Variants in SNRNP200 observed in about 807,000 individuals in gnomAD.
SNRNP200 encodes small nuclear ribonucleoprotein U5 subunit 200, also known as U5 small nuclear ribonucleoprotein 200 kDa helicase.
A neutral mutation model predicts 255.2 loss-of-function variants in SNRNP200; 66 were observed. The observed-to-expected ratio is 0.26, with a 90% confidence interval of 0.21 to 0.32. The LOEUF (loss-of-function observed/expected upper bound fraction) is 0.32, where lower values mean the gene tolerates loss of function less well. Ranked by LOEUF, SNRNP200 falls within the 10% of genes least tolerant of loss-of-function variation. The pLI is 1.00. For synonymous variants in SNRNP200, 939 were observed against 1,027.8 expected (o/e 0.91, Z 1.65); for missense variants, 1,585 against 2,749.8 (o/e 0.58, Z 9.47).
chr2:96,279,787 GCCATGAA>G (rs1684728738), intron 35 of SNRNP200: 1 of 519,604 alleles, frequency 1.9e-6, no homozygotes, highest in African/African-American at 1.9e-5. Context: ...CTGCTCAAGT[GCCATGAA>G]CCAAGCTACA....
chr2:96,284,240 G>A (rs1325460398), intron 31 of SNRNP200, 118 bp downstream of exon 31: 3 of 949,842 alleles, frequency 3.2e-6, no homozygotes, highest in Non-Finnish European at 5.1e-6. Context: ...AGGGCAGCAG[G>A]TAGAATCCTC....
chr2:96,285,473 G>A, intron 29 of SNRNP200, 133 bp from the exon 30 acceptor site: 1 of 977,834 alleles, frequency 1.0e-6, no homozygotes, highest in Non-Finnish European at 1.6e-6. Flanking sequence ...AGACAGAGGA[G>A]CTAAGGCATC....
At chr2:96,281,360 G>A in intron 35 of SNRNP200, 1 of 189,516 alleles carries the variant, frequency 5.3e-6, no homozygotes, top group South Asian at 8.9e-5. Context: ...TAGAGACGGG[G>A]GTTTCACTAT....
intron 6 of SNRNP200, 66 bp downstream of exon 6, chr2:96,299,263 A>G: frequency 7.1e-7 from 1 of 1,409,218 alleles, no homozygotes; most frequent in Non-Finnish European, 1.0e-6. Flanking sequence ...GGACCTAGGC[A>G]TGGGGAAGAA....
rs2104359422 is a variant in SNRNP200, at chr2:96,298,720, C to T, written c.883-18G>A. ...CTGGCCGTCTGCAGAGAGCAGGTAACACCACCATTAAGGCCAAAGCCATCT... is the reference window on the plus strand; with the variant it reads ...CTGGCCGTCTGCAGAGAGCAGGTAATACCACCATTAAGGCCAAAGCCATCT... On this transcript the variant is annotated intron_variant, in intron 7 of 44. Coordinates refer to ENST00000323853, the MANE Select transcript of SNRNP200 (RefSeq NM_014014.5). 6.2e-7 allele frequency: 1 copy of T among 1,614,090 alleles called. No homozygotes were observed. Among genetic ancestry groups the T allele is most frequent in the Non-Finnish European group, 8.5e-7 (1 of 1,179,934 alleles).
chr2:96,297,186 A>C, intron 11 of SNRNP200, 116 bp from the exon 12 acceptor site: 1 of 1,534,726 alleles, frequency 6.5e-7, no homozygotes, highest in South Asian at 1.1e-5. Context: ...TTTCCATTAA[A>C]GGTCAGTCCA....
rs1558771554 is a variant in SNRNP200 at position 96,299,299 on chromosome 2, TAGCAATGAGGAAG to T, written c.729+17_729+29del. Reference sequence around the variant, plus strand: ...GCACTAACACCCAGAAGTAACCTTGTAGCAATGAGGAAGAGCAAACTGAACTTACATTAGCCGA... The same window carrying T: ...GCACTAACACCCAGAAGTAACCTTGTAGCAAACTGAACTTACATTAGCCGA... On this transcript the variant is annotated intron_variant, in intron 6 of 44. Coordinates refer to ENST00000323853, the MANE Select transcript of SNRNP200 (RefSeq NM_014014.5). The T allele has an allele frequency of 6.3e-7, 1 of 1,594,130 alleles. No individual in the cohort carries two copies. The highest frequency in any genetic ancestry group is 8.6e-7 in the Non-Finnish European group (1 of 1,162,222).
chr2:96,303,868 G>A (rs1209471175), intron 2 of SNRNP200, among the ~76,000 whole-genome samples: 5 of 144,418 alleles, frequency 3.5e-5, no homozygotes, highest in Non-Finnish European at 7.5e-5. Context: ...CAGCCTGGGT[G>A]ACAGAGTGAG....
chr2:96,281,739 T>C (rs761548391), intron 35 of SNRNP200, 75 bp downstream of exon 35: 6 of 1,180,726 alleles, frequency 5.1e-6, no homozygotes, highest in Non-Finnish European at 7.6e-6. Context: ...CCTAGCTTAC[T>C]TTCTGTGTAT....
Position 96,290,722 on chromosome 2 carries a change from C to T in SNRNP200, c.2515G>A (p.Gly839Arg). Residue 839 changes from glycine to arginine, a missense_variant, in exon 19 of 45, where the codon GGG (glycine) becomes AGG (arginine). Gly to Arg is a moderately radical substitution (Grantham distance 125, BLOSUM62 -2). This residue lies in a region of SNRNP200 where 140 missense variants were observed against 274.9 expected (regional missense o/e 0.51). Transcript: ENST00000323853. The surrounding 1 kb of genome is among the most constrained non-coding windows in gnomAD (Gnocchi z 4.5). ...AGTGCTCCCAGTTCTGTCCAACGCC[C>T]CTTCTCTGGACTGTACACCTGGGTG... is the stretch of plus-strand genomic sequence containing the variant. ...KGTQVYSPEK[G>R]RWTELGALDI... The T allele has an allele frequency of 6.2e-7, 1 of 1,614,196 alleles. No homozygotes were observed. The highest frequency in any genetic ancestry group is 8.5e-7 in the Non-Finnish European group (1 of 1,180,034).
At position 96,277,998 on chromosome 2, in the gene SNRNP200, T is replaced by G; in HGVS notation, c.5611-48A>C. 6.2e-7 allele frequency: 1 copy of G among 1,613,798 alleles called. No homozygotes were observed. Among genetic ancestry groups the G allele is most frequent in the East Asian group, 2.2e-5 (1 of 44,878 alleles). On this transcript the variant is annotated intron_variant, in intron 39 of 44. Transcript: ENST00000323853. The surrounding 1 kb of genome is among the most constrained non-coding windows in gnomAD (Gnocchi z 4.4). Reference sequence around the variant, plus strand: ...CTGGTGATGAACAGGTGACCCTGCCTGAGACCAGCTCAGGCCAAAGCACCA... The same window carrying G: ...CTGGTGATGAACAGGTGACCCTGCCGGAGACCAGCTCAGGCCAAAGCACCA...
At position 96,303,338 on chromosome 2, in the gene SNRNP200, A is replaced by C. The variant is rs950646900; in HGVS notation, c.210-8T>G. Reference sequence around the variant, plus strand: ...TCATCACGCTTTCTTCGCCTAATGGACATGCAATGTGATATTGAATGGCAG... The same window carrying C: ...TCATCACGCTTTCTTCGCCTAATGGCCATGCAATGTGATATTGAATGGCAG... On this transcript the variant is annotated splice_region_variant and splice_polypyrimidine_tract_variant and intron_variant, in intron 2 of 44. Coordinates refer to ENST00000323853, the MANE Select transcript of SNRNP200 (RefSeq NM_014014.5). 3.7e-6 allele frequency: 6 copies of C among 1,613,992 alleles called. No homozygotes were observed. In the African/African-American group the frequency reaches 8.0e-5, roughly 22 times the overall value.
intron 12 of SNRNP200, 80 bp downstream of exon 12, chr2:96,296,853 G>A: frequency 1.3e-6 from 2 of 1,584,570 alleles, no homozygotes; most frequent in Admixed American, 1.7e-5. Context: ...TAGGGGGTGG[G>A]GGTGGAAATA....
At chr2:96,296,810 A>C in intron 12 of SNRNP200, 119 bp from the exon 13 acceptor site, 1 of 1,533,584 alleles carries the variant, frequency 6.5e-7, no homozygotes, top group Non-Finnish European at 9.0e-7. Context: ...TTATCCTACT[A>C]TTTAACCTCT....
At chr2:96,284,843 G>A (rs1341546472) in intron 30 of SNRNP200, 12 of 533,576 alleles carry the variant, frequency 2.2e-5, no homozygotes, top group Admixed American at 1.9e-4. Flanking sequence ...TCCGCCTCCC[G>A]GGTTCAAGCG....
chr2:96,285,171 A>C lies in SNRNP200; in HGVS notation c.4164+9T>G. ...TGGGAAATTCACATGACACAGCGCC[A>C]CGTCATACCTGCTCTGCCAGGGCCT... is the stretch of plus-strand genomic sequence containing the variant. On this transcript the variant is annotated intron_variant, in intron 30 of 44. Transcript: ENST00000323853. The C allele has an allele frequency of 6.2e-7, 1 of 1,613,914 alleles. No homozygotes were observed.
chr2:96,288,654 C>T lies in SNRNP200; in HGVS notation c.3258+9G>A, dbSNP rs761162062. The T allele has an allele frequency of 1.3e-5, 21 of 1,612,424 alleles. No individual in the cohort carries two copies. The highest frequency in any genetic ancestry group is 1.7e-4 in the Middle Eastern group (1 of 6,050). On this transcript the variant is annotated intron_variant, in intron 24 of 44. Transcript: ENST00000323853. ...CCTTCTCACAGCTGCCATACAACTC[C>T]GCTCTCACCTGTGTGACATACACCA...
Position 96,277,499 on chromosome 2 carries a change from C to G in SNRNP200, c.5931+40G>C. ...CGCTCGGTCCACAACACTGGGCTCT[C>G]AGGCTCACCCACCTGACCCTCTAGG... On this transcript the variant is annotated intron_variant, in intron 41 of 44. Transcript: ENST00000323853. The surrounding 1 kb of genome is among the most constrained non-coding windows in gnomAD (Gnocchi z 4.4). The G allele has an allele frequency of 3.7e-6, 6 of 1,609,762 alleles. No individual in the cohort carries two copies. The highest frequency in any genetic ancestry group is 5.1e-6 in the Non-Finnish European group (6 of 1,177,894).
At position 96,286,994 on chromosome 2, in the gene SNRNP200, G is replaced by A; in HGVS notation, c.3639+12C>T. 2 of 1,614,164 alleles carry A rather than the reference G, an allele frequency of 1.2e-6. No homozygotes were observed. Among genetic ancestry groups the A allele is most frequent in the South Asian group, 2.2e-5 (2 of 91,080 alleles). ...ACCTCCAATCCAGCACCTCTGCCCAGCAAAGCCTCACCTTTTCATCCCACT... is the reference window on the plus strand; with the variant it reads ...ACCTCCAATCCAGCACCTCTGCCCAACAAAGCCTCACCTTTTCATCCCACT... On this transcript the variant is annotated intron_variant, in intron 27 of 44. Coordinates refer to ENST00000323853, the MANE Select transcript of SNRNP200 (RefSeq NM_014014.5). The surrounding 1 kb of genome is among the most constrained non-coding windows in gnomAD (Gnocchi z 4.8).
Sources: allele counts gnomAD v4.1 joint callset (sites outside exome capture counted in the v4.1 genomes callset), GRCh38; gene constraint gnomAD v4.1.1; regional missense constraint gnomAD v4.1.1; non-coding constraint Gnocchi (gnomAD v3.1); transcripts MANE v1.5; gene names NCBI Gene and HGNC (gene_info 2026-07-23, HGNC 2026-07-21).